The following DHX57 variants were observed in gnomAD, a reference collection of about 807,000 sequenced individuals.
DHX57 encodes the protein putative ATP-dependent RNA helicase DHX57.
In DHX57, 105 loss-of-function variants were observed where a neutral mutation model predicts 156.2. That is an observed-to-expected ratio of 0.67 (90% confidence interval 0.57 to 0.79). The LOEUF (loss-of-function observed/expected upper bound fraction) is 0.79. DHX57 is among the 30% of genes least tolerant of loss of function. DHX57 has a pLI of 0.00. For missense variants in DHX57, 1,847 were observed against 1,661.9 expected, an observed-to-expected ratio of 1.11 and a Z score of -1.94; for synonymous variants, 704 against 595.6, an observed-to-expected ratio of 1.18 and a Z score of -2.65.
intron 17 of DHX57, 138 bp from the exon 18 acceptor site, chr2:38,819,282 C>T (rs1670698842): frequency 4.0e-6 from 3 of 755,252 alleles, no homozygotes; most frequent in Non-Finnish European, 6.5e-6. Flanking sequence ...TTAAGCAATC[C>T]TCCTGCCTCA....
At chr2:38,870,426 A>C (rs1665298192) in intron 1 of DHX57, among the ~76,000 whole-genome samples, 1 of 152,276 alleles carries the variant, frequency 6.6e-6, no homozygotes, top group South Asian at 2.1e-4. Flanking sequence ...TGTTGCAATA[A>C]AAATGTTGAA....
rs1673210108 is a variant in DHX57, at chr2:38,861,540, T to C, written c.870A>G (p.Pro290=). The C allele has an allele frequency of 6.2e-7, 1 of 1,614,216 alleles. No individual in the cohort carries two copies. Among genetic ancestry groups the C allele is most frequent in the Non-Finnish European group, 8.5e-7 (1 of 1,180,032 alleles). Residue 290 remains proline (P), a synonymous_variant, in exon 5 of 24, where the codon CCA becomes CCG. Coordinates refer to ENST00000457308, the MANE Select transcript of DHX57 (RefSeq NM_198963.3). ...CTTGTACATTTTTGGTACTTTCTTT[T>C]GGCTTGGATTTGCGGAATCTACTTG... is the stretch of plus-strand genomic sequence containing the variant. ...YLTSRFRKSK[P]KESTKNVQEN...
In DHX57 at chr2:38,816,105, A is replaced by AGTG. The variant is rs930706006; in HGVS notation, c.3472-453_3472-451dup. 147 of 471,578 alleles carry AGTG rather than the reference A, an allele frequency of 3.1e-4. 4 individuals are homozygous for AGTG. Among genetic ancestry groups the AGTG allele is most frequent in the South Asian group, 1.2e-3 (76 of 64,550 alleles). The allele number at this position is 471,578 out of a possible 1,614,324, so 29.2% of individuals were successfully genotyped here. On this transcript the variant is annotated intron_variant, in intron 19 of 23. Coordinates refer to ENST00000457308, the MANE Select transcript of DHX57 (RefSeq NM_198963.3). ...CTCTCAGTTCCTTACTCAGGCCTAG[A>AGTG]GTGGTTCGTGCTCTCAGTGGAACTC...
chr2:38,870,852 C>A (rs1193658656), intron 1 of DHX57, among the ~76,000 whole-genome samples: 1 of 151,616 alleles, frequency 6.6e-6, no homozygotes, highest in Non-Finnish European at 1.5e-5. Context: ...GCACTCCAGC[C>A]TGGGTGACAG....
chr2:38,860,169 C>A (rs769115429), intron 5 of DHX57, among the ~76,000 whole-genome samples: 4 of 151,962 alleles, frequency 2.6e-5, no homozygotes, highest in Non-Finnish European at 5.9e-5. Flanking sequence ...TGCATAGCAG[C>A]CCATGTGCGA....
At chr2:38,867,639 A>C (rs911707567) in intron 2 of DHX57, among the ~76,000 whole-genome samples, 17 of 152,090 alleles carry the variant, frequency 1.1e-4, no homozygotes, top group African/African-American at 3.9e-4. Context: ...GCTCACTGCA[A>C]CTTCTGCCTC....
intron 11 of DHX57, among the ~76,000 whole-genome samples, chr2:38,845,582 G>C (rs972562983): frequency 2.6e-5 from 4 of 152,128 alleles, no homozygotes; most frequent in African/African-American, 9.7e-5. Context: ...ACTAATCTGG[G>C]AGTTCTCGGC....
intron 17 of DHX57, among the ~76,000 whole-genome samples, chr2:38,822,540 CACA>C (rs1256445679): frequency 2.0e-5 from 3 of 151,952 alleles, no homozygotes; most frequent in Non-Finnish European, 4.4e-5. Context: ...ACTACATGTG[CACA>C]TCACCACGCC....
chr2:38,827,505 A>AAATAT (rs1553326974), intron 14 of DHX57, among the ~76,000 whole-genome samples: 1 of 10,154 alleles, frequency 9.8e-5, no homozygotes, highest in African/African-American at 1.4e-4. Flanking sequence ...AAAAAAAAAA[A>AAATAT]ATATATATAT....
At chr2:38,809,823 A>G (rs11894209) in intron 21 of DHX57, among the ~76,000 whole-genome samples, 2,191 of 152,030 alleles carry the variant, frequency 0.014, 63 homozygotes, top group African/African-American at 0.051. Context: ...ATTTTTGTGT[A>G]TGTATTATCT....
At chr2:38,843,923 G>A (rs1672138754) in intron 11 of DHX57, among the ~76,000 whole-genome samples, 1 of 152,134 alleles carries the variant, frequency 6.6e-6, no homozygotes, top group South Asian at 2.1e-4. Flanking sequence ...AAAGGTAAGG[G>A]AATGGGAGCA....
At chr2:38,839,335 C>T (rs528767298) in intron 12 of DHX57, among the ~76,000 whole-genome samples, 25 of 152,200 alleles carry the variant, frequency 1.6e-4, no homozygotes, top group African/African-American at 6.0e-4. Context: ...GCCCTAACTA[C>T]AGTCTAACTG....
chr2:38,817,078 G>GCA (rs1670580341), intron 19 of DHX57, among the ~76,000 whole-genome samples: 1 of 152,138 alleles, frequency 6.6e-6, no homozygotes, highest in South Asian at 2.1e-4. Flanking sequence ...CCACAGGCGT[G>GCA]CACCATCACG....
In DHX57 at chr2:38,813,863, T is replaced by C. The variant is rs1670395163; in HGVS notation, c.3639A>G (p.Ile1213Met). ...ACAAAGCAGCACACAGCATTGCTGATATCAGCTTGGGGTTCTCAGCATTTG... is the reference window on the plus strand; with the variant it reads ...ACAAAGCAGCACACAGCATTGCTGACATCAGCTTGGGGTTCTCAGCATTTG... ...ANSNAENPKL[I>M]SAMLCAALYP... Residue 1213 changes from isoleucine (I) to methionine (M), a missense_variant, in exon 21 of 24, where the codon ATA (isoleucine) becomes ATG (methionine). Physicochemically the swap from Ile to Met is conservative, Grantham distance 10. Coordinates refer to ENST00000457308, the MANE Select transcript of DHX57 (RefSeq NM_198963.3). 1.2e-6 allele frequency: 2 copies of C among 1,613,690 alleles called. No homozygotes were observed. The highest frequency in any genetic ancestry group is 2.2e-5 in the East Asian group (1 of 44,860).
chr2:38,815,716 C>G (rs1028202866), intron 19 of DHX57, 61 bp from the exon 20 acceptor site: 25 of 1,600,102 alleles, frequency 1.6e-5, no homozygotes, highest in Non-Finnish European at 2.1e-5. Flanking sequence ...TTAAGTCTTA[C>G]AAAAATGAGT....
At chr2:38,837,751 A>C (rs956460742) in intron 13 of DHX57, 80 bp downstream of exon 13, 1 of 824,726 alleles carries the variant, frequency 1.2e-6, no homozygotes, top group Admixed American at 2.0e-5. Context: ...ATGTAATTCA[A>C]GCACTCATGA....
chr2:38,847,882 G>C (rs1332495272), intron 10 of DHX57, among the ~76,000 whole-genome samples: 1 of 152,086 alleles, frequency 6.6e-6, no homozygotes, highest in South Asian at 2.1e-4. Context: ...AGGAGATGGA[G>C]ACCATCCTGG....
chr2:38,838,903 G>A, intron 12 of DHX57: 1 of 330,340 alleles, frequency 3.0e-6, no homozygotes, highest in Non-Finnish European at 6.0e-6. Flanking sequence ...TCTATAGGAT[G>A]TACTACAAGC....
intron 11 of DHX57, among the ~76,000 whole-genome samples, chr2:38,844,029 G>A (rs12233002): frequency 0.45 from 67,744 of 151,966 alleles, 18,068 homozygotes; most frequent in East Asian, 0.6. Flanking sequence ...TGCATAAAGT[G>A]TATTGTAGCT....
Sources: gnomAD v4.1 joint callset for allele counts (sites outside exome capture counted in the v4.1 genomes callset) on GRCh38, gnomAD v4.1.1 for gene constraint, MANE v1.5 for transcripts, NCBI Gene and HGNC (gene_info 2026-07-23, HGNC 2026-07-21) for gene names.